SPARC: variants seen among roughly 807,000 people sequenced by gnomAD.
SPARC encodes the protein basement-membrane protein 40.
Under a neutral mutation model 37.7 loss-of-function variants are expected in SPARC, and 23 were observed. That is an observed-to-expected ratio of 0.61 (90% CI 0.44 to 0.87). The LOEUF is 0.87. SPARC is among the 40% of genes least tolerant of loss of function. SPARC has a pLI of 0.00. For missense variants in SPARC, 312 were observed against 389.0 expected, an observed-to-expected ratio of 0.80 and a Z score of 1.66; for synonymous variants, 155 against 150.8, an observed-to-expected ratio of 1.03 and a Z score of -0.20.
chr5:151,680,759 A>C (rs541152741), intron 1 of SPARC, among the ~76,000 whole-genome samples: 163 of 152,316 alleles, frequency 1.1e-3, no homozygotes, highest in Non-Finnish European at 2.0e-3. Context: ...TGTAAAATGG[A>C]AACAATAACA....
At chr5:151,683,491 G>C (rs887624769) in intron 1 of SPARC, among the ~76,000 whole-genome samples, 3 of 152,204 alleles carry the variant, frequency 2.0e-5, no homozygotes, top group Non-Finnish European at 4.4e-5. Flanking sequence ...CCTCCAGTGA[G>C]TTATTTTCTC....
intron 1 of SPARC, among the ~76,000 whole-genome samples, chr5:151,677,405 T>C (rs981694073): frequency 1.2e-4 from 18 of 152,086 alleles, no homozygotes; most frequent in Non-Finnish European, 1.6e-4. Context: ...TCCCAAAACC[T>C]CCCTGTCAGG....
rs1760525715 is a variant in SPARC at position 151,662,417 on chromosome 5, A to G, written c.*1154T>C. The G allele has an allele frequency of 3.9e-5, 6 of 152,674 alleles. No homozygotes were observed. Among genetic ancestry groups the G allele is most frequent in the Admixed American group, 3.9e-4 (6 of 15,288 alleles). The allele number at this position is 152,674 out of a possible 1,614,324, so 9.5% of individuals were successfully genotyped here. A position where few individuals can be genotyped will look rare whatever the true frequency, so the allele number is the denominator to read the frequency against. On this transcript the variant is annotated 3_prime_UTR_variant, in exon 10 of 10. Coordinates refer to ENST00000231061, the MANE Select transcript of SPARC (RefSeq NM_003118.4). ...AATAAGGTGACTAAGACTAAGACAC[A>G]TGCAAATCACCCAGGAAGGCAGTTT...
chr5:151,667,517 A>T lies in SPARC; in HGVS notation c.535T>A (p.Tyr179Asn). The change falls in exon 7 of 10, where the codon TAT becomes AAT. Residue 179 changes from tyrosine to asparagine, a missense_variant. Physicochemically the swap from Tyr to Asn is moderately radical, Grantham distance 143. Coordinates refer to ENST00000231061, the MANE Select transcript of SPARC (RefSeq NM_003118.4). ...DWLKNVLVTLYERDEDNNLLT... is the reference protein window; with the variant it reads ...DWLKNVLVTLNERDEDNNLLT... ...AGGTTGTTGTCCTCATCCCTCTCATACAGGGTGACCAGGACGTTCTTGAGC... is the reference window on the plus strand; with the variant it reads ...AGGTTGTTGTCCTCATCCCTCTCATTCAGGGTGACCAGGACGTTCTTGAGC... 1 of 1,614,168 alleles carries T rather than the reference A, an allele frequency of 6.2e-7. No homozygotes were observed.
At chr5:151,667,726 G>A in intron 6 of SPARC, 126 bp from the exon 7 acceptor site, 1 of 1,022,996 alleles carries the variant, frequency 9.8e-7, no homozygotes, top group Non-Finnish European at 1.4e-6. Context: ...ACCTCTCCAG[G>A]CCACAGTTTC....
intron 8 of SPARC, among the ~76,000 whole-genome samples, chr5:151,665,410 A>T (rs957968819): frequency 2.0e-5 from 3 of 152,204 alleles, no homozygotes; most frequent in African/African-American, 7.2e-5. Flanking sequence ...AGAGCCCAGG[A>T]GACCCCAGCC....
chr5:151,678,751 G>A (rs1047374647), intron 1 of SPARC, among the ~76,000 whole-genome samples: 18 of 152,160 alleles, frequency 1.2e-4, no homozygotes, highest in African/African-American at 3.1e-4. Flanking sequence ...AGAACAGAAC[G>A]CAAAATCTTG....
intron 6 of SPARC, 36 bp downstream of exon 6, chr5:151,669,628 C>A: frequency 1.9e-6 from 3 of 1,609,022 alleles, no homozygotes; most frequent in Non-Finnish European, 2.6e-6. Context: ...GCTCTCTCCC[C>A]AAGACAGGAG....
intron 1 of SPARC, among the ~76,000 whole-genome samples, chr5:151,683,049 G>T (rs550141129): frequency 7.2e-6 from 1 of 138,256 alleles, no homozygotes; most frequent in East Asian, 2.6e-4. Context: ...GCTGGCCCTG[G>T]CCCTGCACAG....
intron 1 of SPARC, among the ~76,000 whole-genome samples, chr5:151,682,554 C>T (rs1041745701): frequency 1.3e-5 from 2 of 152,194 alleles, no homozygotes; most frequent in East Asian, 1.9e-4. Context: ...GACCTCTTCT[C>T]CTAAAGCTTA....
chr5:151,675,554 T>C (rs1409747118), intron 2 of SPARC, among the ~76,000 whole-genome samples: 1 of 152,160 alleles, frequency 6.6e-6, no homozygotes, highest in Non-Finnish European at 1.5e-5. Flanking sequence ...ATTGCTGGAG[T>C]TGATTCATTC....
Position 151,676,134 on chromosome 5 carries a change from G to A in SPARC, c.55C>T (p.Pro19Ser), listed in dbSNP as rs6874468. The change falls in exon 2 of 10, where the codon CCT becomes TCT. Residue 19 changes from proline to serine, a missense_variant and splice_region_variant. Coordinates refer to ENST00000231061, the MANE Select transcript of SPARC (RefSeq NM_003118.4). ...LCLAGRALAAPQQEALPDETE... is the reference protein window; with the variant it reads ...LCLAGRALAASQQEALPDETE... Reference sequence around the variant, plus strand: ...AGACATGATATTTAGGTACTTACAGGGGCTGCCAAGGCCCTCCCGGCCAGG... The same window carrying A: ...AGACATGATATTTAGGTACTTACAGAGGCTGCCAAGGCCCTCCCGGCCAGG... The A allele has an allele frequency of 4.3e-3, 6,937 of 1,610,994 alleles. 263 individuals are homozygous for A. In the African/African-American group the frequency reaches 0.082, roughly 19 times the overall value.
At chr5:151,673,966 C>CTGTGTGTGTG (rs3138755) in intron 3 of SPARC, among the ~76,000 whole-genome samples, 3 of 141,756 alleles carry the variant, frequency 2.1e-5, no homozygotes, top group African/African-American at 7.8e-5. Context: ...CCCCTTTCCT[C>CTGTGTGTGTG]TGTGTGTGTG....
intron 1 of SPARC, 126 bp downstream of exon 1, chr5:151,686,739 G>A (rs940540555): frequency 6.6e-6 from 1 of 152,292 alleles, no homozygotes; most frequent in Non-Finnish European, 1.5e-5. Flanking sequence ...AGCCGTGATG[G>A]AGCCGGGAGG....
At chr5:151,681,778 A>C (rs1254060219) in intron 1 of SPARC, among the ~76,000 whole-genome samples, 2 of 152,196 alleles carry the variant, frequency 1.3e-5, no homozygotes, top group African/African-American at 4.8e-5. Context: ...CTAAAATCCC[A>C]GCAACTCGGG....
intron 1 of SPARC, among the ~76,000 whole-genome samples, chr5:151,680,577 G>A (rs1403859146): frequency 1.3e-5 from 2 of 152,072 alleles, no homozygotes; most frequent in Admixed American, 6.6e-5. Context: ...TGTGGCTAGT[G>A]GCTACCATGG....
chr5:151,669,880 T>G, intron 5 of SPARC, 96 bp from the exon 6 acceptor site: 1 of 1,507,944 alleles, frequency 6.6e-7, no homozygotes, highest in Non-Finnish European at 9.1e-7. Context: ...ACACTGAGGG[T>G]TAAGCAAGGA....
chr5:151,672,260 A>G (rs1760763728), intron 4 of SPARC, among the ~76,000 whole-genome samples: 1 of 152,214 alleles, frequency 6.6e-6, no homozygotes. Flanking sequence ...CCTCTGTTCA[A>G]CAGAAACCCT....
In SPARC at chr5:151,671,522, T is replaced by C. The variant is rs766211694; in HGVS notation, c.330+51A>G. 1.2e-5 allele frequency: 18 copies of C among 1,508,884 alleles called. No individual in the cohort carries two copies. The Admixed American group carries it at 4.0e-4, about 34-fold the overall frequency. 93.5% of individuals were successfully genotyped at this position (1,508,884 alleles called of 1,614,324 possible). A position where few individuals can be genotyped will look rare whatever the true frequency, so the allele number is the denominator to read the frequency against. On this transcript the variant is annotated intron_variant, in intron 5 of 9. Transcript: ENST00000231061. Reference sequence around the variant, plus strand: ...AACAGTTTCCTGAGCAGACATCCTGTATTCCGAAGTGCCCAATCCCTTCCC... The same window carrying C: ...AACAGTTTCCTGAGCAGACATCCTGCATTCCGAAGTGCCCAATCCCTTCCC...
Sources: allele counts gnomAD v4.1 joint callset (sites outside exome capture counted in the v4.1 genomes callset), GRCh38; gene constraint gnomAD v4.1.1; transcripts MANE v1.5; gene names NCBI Gene and HGNC (gene_info 2026-07-23, HGNC 2026-07-21).